CMSS1: variants seen among roughly 807,000 people sequenced by gnomAD.
CMSS1 encodes protein CMSS1.
In CMSS1, 33 loss-of-function variants were observed where a neutral mutation model predicts 43.5. The observed-to-expected ratio is 0.76, with a 90% CI of 0.57 to 1.01. The LOEUF is 1.01. Among genes scored for constraint, CMSS1 ranks in the 50% least tolerant of loss-of-function variants. The probability of loss-of-function intolerance (pLI) is 0.00; values close to 1 mark genes in which losing one functional copy is unlikely to be tolerated. For synonymous variants in CMSS1, 115 were observed against 117.2 expected (o/e 0.98, Z 0.12); for missense variants, 313 against 326.4 (o/e 0.96, Z 0.32).
At chr3:99,900,532 G>C (rs1156773299) in intron 1 of CMSS1, among the ~76,000 whole-genome samples, 1 of 152,094 alleles carries the variant, frequency 6.6e-6, no homozygotes, top group Non-Finnish European at 1.5e-5. Flanking sequence ...TCAAACCAAG[G>C]AAGTTTGGCC....
intron 1 of CMSS1, among the ~76,000 whole-genome samples, chr3:99,934,369 C>T (rs1029912670): frequency 6.6e-6 from 1 of 152,120 alleles, no homozygotes. Context: ...AAAAGAGGAG[C>T]GAAATATATT....
At chr3:100,043,076 C>T (rs1030494266) in intron 1 of CMSS1, among the ~76,000 whole-genome samples, 12 of 152,238 alleles carry the variant, frequency 7.9e-5, no homozygotes, top group Non-Finnish European at 2.9e-5. Context: ...CAGTGACAGA[C>T]CCCCTGAGCA....
chr3:100,065,004 C>G (rs2065640110), intron 1 of CMSS1, among the ~76,000 whole-genome samples: 1 of 152,172 alleles, frequency 6.6e-6, no homozygotes, highest in African/African-American at 2.4e-5. Context: ...AAACACTATG[C>G]TAGGCATTAT....
intron 1 of CMSS1, among the ~76,000 whole-genome samples, chr3:100,037,964 G>GT (rs2065138276): frequency 8.1e-6 from 1 of 124,134 alleles, no homozygotes; most frequent in African/African-American, 3.1e-5. Flanking sequence ...TTTGGGGGGG[G>GT]AGGGAACAGA....
At chr3:99,934,459 A>G (rs939655036) in intron 1 of CMSS1, among the ~76,000 whole-genome samples, 2 of 152,144 alleles carry the variant, frequency 1.3e-5, no homozygotes, top group African/African-American at 2.4e-5. Flanking sequence ...ATGAATTCCT[A>G]TGTTTTCCTC....
intron 1 of CMSS1, among the ~76,000 whole-genome samples, chr3:99,838,813 A>T (rs1439231375): frequency 1.3e-5 from 2 of 152,148 alleles, no homozygotes; most frequent in Non-Finnish European, 2.9e-5. Flanking sequence ...GTTGTTGTAA[A>T]ATAAAATAAT....
intron 9 of CMSS1, among the ~76,000 whole-genome samples, chr3:100,177,740 GGGAGGCCAAGGTGGGA>G (rs1445656059): frequency 6.6e-6 from 1 of 152,158 alleles, no homozygotes; most frequent in Non-Finnish European, 1.5e-5. Context: ...CTAGTGCTTT[GGGAGGCCAAGGTGGGA>G]GGATTACTTG....
intron 1 of CMSS1, among the ~76,000 whole-genome samples, chr3:99,887,493 A>G (rs1705941874): frequency 6.6e-6 from 1 of 152,220 alleles, no homozygotes; most frequent in African/African-American, 2.4e-5. Context: ...GAGAGGTCAC[A>G]TAAGATGGAT....
intron 1 of CMSS1, among the ~76,000 whole-genome samples, chr3:99,822,673 A>G (rs1942460739): frequency 1.3e-5 from 2 of 152,156 alleles, no homozygotes; most frequent in Non-Finnish European, 2.9e-5. Context: ...CGGGGGTTGC[A>G]GTGAGCCGAG....
At chr3:99,845,281 G>GA (rs1440787024) in intron 1 of CMSS1, among the ~76,000 whole-genome samples, 5 of 152,070 alleles carry the variant, frequency 3.3e-5, no homozygotes, top group African/African-American at 7.2e-5. Context: ...CTTTTAAATA[G>GA]AAAAAACATG....
At chr3:100,080,414 A>G (rs2065914357) in intron 1 of CMSS1, among the ~76,000 whole-genome samples, 1 of 152,190 alleles carries the variant, frequency 6.6e-6, no homozygotes. Flanking sequence ...GAGCATAACA[A>G]TCACCCAGGG....
At chr3:99,848,167 TC>T (rs1470036067) in intron 1 of CMSS1, 1 of 1,532,970 alleles carries the variant, frequency 6.5e-7, no homozygotes, top group African/African-American at 1.4e-5. Flanking sequence ...GCACAAACCT[TC>T]CCAAAGTACG....
At chr3:100,023,037 A>C (rs1327910508) in intron 1 of CMSS1, among the ~76,000 whole-genome samples, 1 of 152,138 alleles carries the variant, frequency 6.6e-6, no homozygotes, top group Admixed American at 6.6e-5. Flanking sequence ...CATGAGTTTC[A>C]GGTGTTTTAA....
rs2067167457 is a variant in CMSS1, at chr3:100,178,689, C to T, written c.*301C>T. 1 of 243,676 alleles carries T rather than the reference C, an allele frequency of 4.1e-6. No homozygotes were observed. The allele number at this position is 243,676 out of a possible 1,614,324, so 15.1% of individuals were successfully genotyped here. ...AGAAAGGAAAGAGCAGCTGGGTGAC[C>T]TTAGGCAAGCGTAAGGTCTTGCCTC... On this transcript the variant is annotated 3_prime_UTR_variant, in exon 10 of 10. Transcript: ENST00000421999.
chr3:99,942,464 A>G (rs1310902897), intron 1 of CMSS1, among the ~76,000 whole-genome samples: 1 of 152,214 alleles, frequency 6.6e-6, no homozygotes, highest in Non-Finnish European at 1.5e-5. Context: ...TACATTTTGT[A>G]TATTTGGAAA....
chr3:100,130,273 C>T (rs1414033290), intron 1 of CMSS1, among the ~76,000 whole-genome samples: 1 of 152,192 alleles, frequency 6.6e-6, no homozygotes, highest in Non-Finnish European at 1.5e-5. Flanking sequence ...ACCTGAATTT[C>T]CCTTTCACAT....
intron 1 of CMSS1, among the ~76,000 whole-genome samples, chr3:99,846,861 A>G (rs115395477): frequency 0.022 from 3,419 of 152,316 alleles, 69 homozygotes; most frequent in Middle Eastern, 0.054. Flanking sequence ...TAAATTAACA[A>G]TTATGAGGTT....
intron 1 of CMSS1, among the ~76,000 whole-genome samples, chr3:100,048,247 T>C (rs1421661225): frequency 1.3e-5 from 2 of 152,220 alleles, no homozygotes; most frequent in South Asian, 4.1e-4. Context: ...CTAGGAAAAC[T>C]AGCAATAGAC....
chr3:100,127,809 G>A (rs980889586), intron 1 of CMSS1, among the ~76,000 whole-genome samples: 2 of 152,210 alleles, frequency 1.3e-5, no homozygotes, highest in Non-Finnish European at 2.9e-5. Context: ...TGTGCTTTCA[G>A]GTGAAGGGAA....
Sources: allele counts gnomAD v4.1 joint callset (sites outside exome capture counted in the v4.1 genomes callset), GRCh38; gene constraint gnomAD v4.1.1; transcripts MANE v1.5; gene names NCBI Gene and HGNC (gene_info 2026-07-23, HGNC 2026-07-21).